Variants in RTRAF observed in about 807,000 individuals in gnomAD.
RTRAF encodes the protein tRNA-splicing ligase complex subunit RTRAF.
Under a neutral mutation model 34.4 loss-of-function variants are expected in RTRAF, and 14 were observed. The observed-to-expected ratio is 0.41, with a 90% CI of 0.27 to 0.64. RTRAF has a LOEUF of 0.64. RTRAF is among the 30% of genes least tolerant of loss of function. The pLI, the probability that RTRAF is intolerant of heterozygous loss-of-function variation, is 0.34. For synonymous variants in RTRAF, 96 were observed against 95.3 expected (o/e 1.01, Z -0.04); for missense variants, 291 against 288.4 (o/e 1.01, Z -0.06).
Position 51,993,812 on chromosome 14 carries a change from T to C in RTRAF, c.276T>C (p.Tyr92=). The change falls in exon 3 of 8, where the codon TAT becomes TAC. Residue 92 remains tyrosine, a synonymous_variant. Transcript: ENST00000261700. ...WLLGLAVRLE[Y]GDNAEKYKDL... ...TTGGTTTAGCTGTTAGACTTGAATA[T>C]GGAGATAATGGTACGTTTTGTGGGG... is the stretch of plus-strand genomic sequence containing the variant. 1.3e-6 allele frequency: 2 copies of C among 1,560,570 alleles called. No homozygotes were observed. The highest frequency in any genetic ancestry group is 1.8e-5 in the Admixed American group (1 of 54,692).
intron 3 of RTRAF, among the ~76,000 whole-genome samples, chr14:51,995,684 T>C (rs2486658): frequency 1.3e-5 from 2 of 152,126 alleles, no homozygotes; most frequent in African/African-American, 4.8e-5. Flanking sequence ...TGTGAGTGTT[T>C]ACATACACTG....
rs563194009 is a variant in RTRAF at position 52,005,732 on chromosome 14, T to A, written c.*1216T>A. ...TAAAGGAGCATCCTAAAGCATACTT[T>A]TTACCTGTTGGGCAGTAGGGGTAGA... On this transcript the variant is annotated 3_prime_UTR_variant, in exon 8 of 8. Transcript: ENST00000261700. 2 of 1,607,380 alleles carry A rather than the reference T, an allele frequency of 1.2e-6. No homozygotes were observed. Among genetic ancestry groups the A allele is most frequent in the African/African-American group, 2.7e-5 (2 of 74,916 alleles).
In RTRAF at chr14:52,006,421, C is replaced by A; in HGVS notation, c.*1905C>A. 8.5e-7 allele frequency: 1 copy of A among 1,173,048 alleles called. No individual in the cohort carries two copies. Among genetic ancestry groups the A allele is most frequent in the Non-Finnish European group, 1.2e-6 (1 of 827,308 alleles). The allele number at this position is 1,173,048 out of a possible 1,614,324, so 72.7% of individuals were successfully genotyped here. A position where few individuals can be genotyped will look rare whatever the true frequency, so the allele number is the denominator to read the frequency against. On this transcript the variant is annotated 3_prime_UTR_variant, in exon 8 of 8. Coordinates refer to ENST00000261700, the MANE Select transcript of RTRAF (RefSeq NM_016039.3). ...ATCTGCCAATGAGGAGGTGATGAAA[C>A]AAAAGCCTCAGAGGGCTTAATGAGT...
At position 52,004,694 on chromosome 14, in the gene RTRAF, G is replaced by T; in HGVS notation, c.*178G>T. The T allele has an allele frequency of 1.7e-6, 1 of 580,956 alleles. No individual in the cohort carries two copies. The highest frequency in any genetic ancestry group is 2.9e-6 in the Non-Finnish European group (1 of 347,442). The allele number at this position is 580,956 out of a possible 1,614,324, so 36.0% of individuals were successfully genotyped here. A position where few individuals can be genotyped will look rare whatever the true frequency, so the allele number is the denominator to read the frequency against. On this transcript the variant is annotated 3_prime_UTR_variant, in exon 8 of 8. Transcript: ENST00000261700. Reference sequence around the variant, plus strand: ...TTCTTTAATAAAGTTTAGGAAAGTAGAATTTTTATTATGTACTGTATGTTT... The same window carrying T: ...TTCTTTAATAAAGTTTAGGAAAGTATAATTTTTATTATGTACTGTATGTTT...
At position 51,991,396 on chromosome 14, in the gene RTRAF, T is replaced by G. The variant is rs188526168; in HGVS notation, c.141T>G (p.Asn47Lys). The G allele has an allele frequency of 1.2e-6, 2 of 1,613,590 alleles. No individual in the cohort carries two copies. Among genetic ancestry groups the G allele is most frequent in the Non-Finnish European group, 8.5e-7 (1 of 1,179,644 alleles). Residue 47 changes from asparagine to lysine, a missense_variant, in exon 2 of 8, where the codon AAT becomes AAG. Physicochemically the swap from Asn to Lys is moderately conservative, Grantham distance 94. Transcript: ENST00000261700. ...IRHYKIEDRG[N>K]LRNIHSSDWP... ...ACTACAAGATTGAAGACAGAGGGAATTTAAGAAACATCCACAGCAGCGACT... is the reference window on the plus strand; with the variant it reads ...ACTACAAGATTGAAGACAGAGGGAAGTTAAGAAACATCCACAGCAGCGACT...
At chr14:51,989,967 T>G (rs1478332112) in intron 1 of RTRAF, among the ~76,000 whole-genome samples, 1 of 152,180 alleles carries the variant, frequency 6.6e-6, no homozygotes, top group East Asian at 1.9e-4. Context: ...TCTCTGTACA[T>G]AAAAGGGAGA....
Position 52,008,280 on chromosome 14 carries a change from A to G in RTRAF, c.*3764A>G. On this transcript the variant is annotated 3_prime_UTR_variant, in exon 8 of 8. Transcript: ENST00000261700. Reference sequence around the variant, plus strand: ...AAGGGGAACATGTGCCAAGGAACTGATGTCCTTGAGGGCTGTTGGCCAGAG... The same window carrying G: ...AAGGGGAACATGTGCCAAGGAACTGGTGTCCTTGAGGGCTGTTGGCCAGAG... The G allele has an allele frequency of 4.3e-6, 1 of 230,886 alleles. No homozygotes were observed. The highest frequency in any genetic ancestry group is 8.7e-5 in the South Asian group (1 of 11,436). The allele number at this position is 230,886 out of a possible 1,614,324, so 14.3% of individuals were successfully genotyped here. A position where few individuals can be genotyped will look rare whatever the true frequency, so the allele number is the denominator to read the frequency against.
Position 51,999,702 on chromosome 14 carries a change from T to C in RTRAF, c.374-6T>C. ...TAAGTTTTTGTTTGTTTTTAATCTT[T>C]TATAGTAAATAATCCTGATTTTAAG... On this transcript the variant is annotated splice_polypyrimidine_tract_variant and splice_region_variant and intron_variant, in intron 4 of 7. Coordinates refer to ENST00000261700, the MANE Select transcript of RTRAF (RefSeq NM_016039.3). 1.3e-6 allele frequency: 2 copies of C among 1,593,756 alleles called. No individual in the cohort carries two copies. The highest frequency in any genetic ancestry group is 1.7e-6 in the Non-Finnish European group (2 of 1,164,350).
Position 52,005,935 on chromosome 14 carries a change from G to C in RTRAF, c.*1419G>C. 2 of 1,019,038 alleles carry C rather than the reference G, an allele frequency of 2.0e-6. No homozygotes were observed. Among genetic ancestry groups the C allele is most frequent in the Non-Finnish European group, 3.1e-6 (2 of 652,810 alleles). 63.1% of individuals were successfully genotyped at this position (1,019,038 alleles called of 1,614,324 possible). On this transcript the variant is annotated 3_prime_UTR_variant, in exon 8 of 8. Coordinates refer to ENST00000261700, the MANE Select transcript of RTRAF (RefSeq NM_016039.3). ...CAGCCACAGAAAATCAGTTGCAATA[G>C]AGGAAAATTTCTGGCAGCCTTCTCT... is the stretch of plus-strand genomic sequence containing the variant.
Position 52,010,171 on chromosome 14 carries a change from T to G in RTRAF, c.*5655T>G, listed in dbSNP as rs1253311033. ...TGAAACCACCTTTGAGGCACTGCAC[T>G]AAGTATTTCATAGTCAAAAAGCACT... On this transcript the variant is annotated 3_prime_UTR_variant, in exon 8 of 8. Transcript: ENST00000261700. The G allele has an allele frequency of 1.3e-5, 2 of 152,208 alleles. No homozygotes were observed. Among genetic ancestry groups the G allele is most frequent in the Non-Finnish European group, 2.9e-5 (2 of 68,040 alleles). The allele number at this position is 152,208 out of a possible 1,614,324, so 9.4% of individuals were successfully genotyped here.
In RTRAF at chr14:52,007,337, C is replaced by A; in HGVS notation, c.*2821C>A. On this transcript the variant is annotated 3_prime_UTR_variant, in exon 8 of 8. Coordinates refer to ENST00000261700, the MANE Select transcript of RTRAF (RefSeq NM_016039.3). Reference sequence around the variant, plus strand: ...TCATATTCTTTAGTATAGAACTAGACACACAGCATTTTTTCAGTTGTGCTG... The same window carrying A: ...TCATATTCTTTAGTATAGAACTAGAAACACAGCATTTTTTCAGTTGTGCTG... The A allele has an allele frequency of 5.7e-6, 1 of 173,982 alleles. No homozygotes were observed. The highest frequency in any genetic ancestry group is 1.2e-5 in the Non-Finnish European group (1 of 83,076). 10.8% of individuals were successfully genotyped at this position (173,982 alleles called of 1,614,324 possible).
rs1890925508 is a variant in RTRAF at position 52,009,493 on chromosome 14, A to C, written c.*4977A>C. On this transcript the variant is annotated 3_prime_UTR_variant, in exon 8 of 8. Transcript: ENST00000261700. ...ATGTGTTATATTGCAACCTGGTTCA[A>C]GGTGGGTTTTCTTTTTATTAAAAAT... 1 of 152,218 alleles carries C rather than the reference A, an allele frequency of 6.6e-6. No homozygotes were observed. The highest frequency in any genetic ancestry group is 1.5e-5 in the Non-Finnish European group (1 of 68,044). 9.4% of individuals were successfully genotyped at this position (152,218 alleles called of 1,614,324 possible).
chr14:51,991,446 T>C lies in RTRAF; in HGVS notation c.186+5T>C. The C allele has an allele frequency of 6.2e-7, 1 of 1,606,964 alleles. No homozygotes were observed. Among genetic ancestry groups the C allele is most frequent in the Non-Finnish European group, 8.5e-7 (1 of 1,177,030 alleles). ...TGGCCCAAGTTCTTTGAAAAGGTAA[T>C]GAATTAGGAAGTAAAGTAAAAATAC... On this transcript the variant is annotated splice_donor_5th_base_variant and intron_variant, in intron 2 of 7. Coordinates refer to ENST00000261700, the MANE Select transcript of RTRAF (RefSeq NM_016039.3).
chr14:52,005,074 A>G lies in RTRAF; in HGVS notation c.*558A>G, dbSNP rs752929783. The G allele has an allele frequency of 3.7e-4, 60 of 162,244 alleles. No homozygotes were observed. The highest frequency in any genetic ancestry group is 6.4e-4 in the Non-Finnish European group (48 of 74,910). 10.1% of individuals were successfully genotyped at this position (162,244 alleles called of 1,614,324 possible). Reference sequence around the variant, plus strand: ...TCTGCATTGGCTTCTCCAACTGTCAAGGTTTAGGATTATATTGTTATATTG... The same window carrying G: ...TCTGCATTGGCTTCTCCAACTGTCAGGGTTTAGGATTATATTGTTATATTG... On this transcript the variant is annotated 3_prime_UTR_variant, in exon 8 of 8. Transcript: ENST00000261700.
Sources: gnomAD v4.1 joint callset for allele counts (sites outside exome capture counted in the v4.1 genomes callset) on GRCh38, gnomAD v4.1.1 for gene constraint, MANE v1.5 for transcripts, NCBI Gene and HGNC (gene_info 2026-07-23, HGNC 2026-07-21) for gene names.